The following CAMK1D variants were observed in gnomAD, a reference collection of about 807,000 sequenced individuals.
CAMK1D encodes the protein calcium/calmodulin dependent protein kinase ID, also known as calcium/calmodulin-dependent protein kinase type 1D.
Under a neutral mutation model 47.7 loss-of-function variants are expected in CAMK1D, and 9 were observed. The ratio of observed to expected loss-of-function variants is 0.19; its 90% CI spans 0.11 to 0.33. The LOEUF (loss-of-function observed/expected upper bound fraction) is 0.33, where lower values mean the gene tolerates loss of function less well. Ranked by LOEUF, CAMK1D falls within the 10% of genes least tolerant of loss-of-function variation. CAMK1D has a pLI of 1.00. For missense variants in CAMK1D, 291 were observed against 488.7 expected (o/e 0.60, Z 3.81); for synonymous variants, 184 against 184.9 (o/e 0.99, Z 0.04).
intron 5 of CAMK1D, among the ~76,000 whole-genome samples, chr10:12,779,027 C>T (rs1010799404): frequency 2.0e-5 from 3 of 152,102 alleles, no homozygotes; most frequent in African/African-American, 4.8e-5. Flanking sequence ...CCCAGAGTCA[C>T]GGGCTGCTTC....
intron 1 of CAMK1D, among the ~76,000 whole-genome samples, chr10:12,538,013 A>G (rs1226601556): frequency 1.3e-5 from 2 of 152,208 alleles, no homozygotes; most frequent in Non-Finnish European, 2.9e-5. Flanking sequence ...GCCGTATCAA[A>G]TGCTAGGCCG....
At chr10:12,555,900 G>A (rs1836745379) in intron 2 of CAMK1D, among the ~76,000 whole-genome samples, 1 of 152,192 alleles carries the variant, frequency 6.6e-6, no homozygotes, top group South Asian at 2.1e-4. Context: ...AACCAGTCCT[G>A]TTGATGCCGT....
intron 1 of CAMK1D, among the ~76,000 whole-genome samples, chr10:12,353,312 G>A (rs1382533151): frequency 6.6e-6 from 1 of 152,202 alleles, no homozygotes. Flanking sequence ...TACGAAGGCA[G>A]GAAAGCCTTG....
rs1486320570 is a variant in CAMK1D at position 12,830,596 on chromosome 10, G to A, written c.*1709G>A. ...GCAGGCTGTGTTGTTCGCCTTTGTG[G>A]AGCCAGGCAGTGTGTGGCCCAGGGA... On this transcript the variant is annotated 3_prime_UTR_variant, in exon 11 of 11. Coordinates refer to ENST00000619168, the MANE Select transcript of CAMK1D (RefSeq NM_153498.4). 6.6e-6 allele frequency: 1 copy of A among 152,276 alleles called. No individual in the cohort carries two copies. The allele number at this position is 152,276 out of a possible 1,614,324, so 9.4% of individuals were successfully genotyped here. A position where few individuals can be genotyped will look rare whatever the true frequency, so the allele number is the denominator to read the frequency against.
chr10:12,414,130 A>G (rs917621018), intron 1 of CAMK1D, among the ~76,000 whole-genome samples: 2 of 152,226 alleles, frequency 1.3e-5, no homozygotes, highest in Admixed American at 6.5e-5. Flanking sequence ...GAAAACCATA[A>G]TATAATAAAT....
chr10:12,438,133 G>T (rs966592818), intron 1 of CAMK1D, among the ~76,000 whole-genome samples: 25 of 152,224 alleles, frequency 1.6e-4, no homozygotes, highest in Non-Finnish European at 1.0e-4. Context: ...CCAGCCAAGG[G>T]CCAACCTTGT....
At chr10:12,550,257 G>A (rs937991405) in intron 1 of CAMK1D, among the ~76,000 whole-genome samples, 3 of 152,240 alleles carry the variant, frequency 2.0e-5, no homozygotes, top group Non-Finnish European at 4.4e-5. Flanking sequence ...CTGAATGAAC[G>A]AATGAATGAA....
intron 1 of CAMK1D, among the ~76,000 whole-genome samples, chr10:12,440,984 C>T (rs1832769267): frequency 1.3e-5 from 2 of 152,220 alleles, no homozygotes; most frequent in Admixed American, 1.3e-4. Flanking sequence ...TCATAAGACC[C>T]TCATTCCAGT....
intron 2 of CAMK1D, among the ~76,000 whole-genome samples, chr10:12,573,830 A>ATTTTT (rs1588648909): frequency 3.9e-4 from 18 of 46,142 alleles, no homozygotes; most frequent in Admixed American, 8.0e-4. Context: ...TATTAAAAAA[A>ATTTTT]CTTTTTTTTT....
At chr10:12,719,095 A>C (rs779348790) in intron 3 of CAMK1D, among the ~76,000 whole-genome samples, 50 of 152,216 alleles carry the variant, frequency 3.3e-4, no homozygotes, top group African/African-American at 1.2e-3. Flanking sequence ...GAAGGTTCTC[A>C]TGGGAAGTTC....
chr10:12,523,320 G>C (rs577362072), intron 1 of CAMK1D, among the ~76,000 whole-genome samples: 1 of 151,872 alleles, frequency 6.6e-6, no homozygotes, highest in Non-Finnish European at 1.5e-5. Context: ...AGGCAGAGAC[G>C]CTCCTCATTT....
intron 1 of CAMK1D, among the ~76,000 whole-genome samples, chr10:12,436,279 G>A (rs1832632208): frequency 6.6e-6 from 1 of 152,212 alleles, no homozygotes; most frequent in Non-Finnish European, 1.5e-5. Context: ...CCTGTCGATA[G>A]AGTCTAGAGT....
intron 6 of CAMK1D, among the ~76,000 whole-genome samples, chr10:12,794,200 A>T (rs1838096280): frequency 6.6e-6 from 1 of 152,104 alleles, no homozygotes; most frequent in Admixed American, 6.5e-5. Flanking sequence ...TATATTTTGG[A>T]TGTGGAGGAT....
chr10:12,409,891 G>T (rs1839595615), intron 1 of CAMK1D, among the ~76,000 whole-genome samples: 2 of 152,120 alleles, frequency 1.3e-5, no homozygotes, highest in African/African-American at 4.8e-5. Context: ...TGGTAACCTT[G>T]AATCTATTTT....
chr10:12,655,329 C>A (rs1216428650), intron 2 of CAMK1D, among the ~76,000 whole-genome samples: 1 of 152,058 alleles, frequency 6.6e-6, no homozygotes, highest in African/African-American at 2.4e-5. Context: ...AGGGATCCAC[C>A]CCCATGACTT....
intron 3 of CAMK1D, among the ~76,000 whole-genome samples, chr10:12,705,464 AAAAAGAAAAG>A (rs565129225): frequency 4.6e-5 from 7 of 151,778 alleles, no homozygotes; most frequent in Non-Finnish European, 8.8e-5. Context: ...CCAGCTCAAA[AAAAAGAAAAG>A]AAAAGAAAAG....
At chr10:12,676,824 AC>A (rs1840824858) in intron 3 of CAMK1D, among the ~76,000 whole-genome samples, 2 of 152,200 alleles carry the variant, frequency 1.3e-5, no homozygotes, top group African/African-American at 4.8e-5. Flanking sequence ...AGCAGAGCTC[AC>A]CAGAAAATAT....
intron 6 of CAMK1D, among the ~76,000 whole-genome samples, chr10:12,801,713 A>T (rs1443913806): frequency 6.6e-6 from 1 of 152,178 alleles, no homozygotes; most frequent in Admixed American, 6.5e-5. Flanking sequence ...ATCTCTATCA[A>T]CCTATCATCT....
intron 2 of CAMK1D, among the ~76,000 whole-genome samples, chr10:12,591,098 G>T (rs962434957): frequency 1.3e-5 from 2 of 151,964 alleles, no homozygotes; most frequent in Non-Finnish European, 2.9e-5. Flanking sequence ...TCTTTATGCC[G>T]CTTTCAAGAA....
Sources: gnomAD v4.1 joint callset for allele counts (sites outside exome capture counted in the v4.1 genomes callset) on GRCh38, gnomAD v4.1.1 for gene constraint, MANE v1.5 for transcripts, NCBI Gene and HGNC (gene_info 2026-07-23, HGNC 2026-07-21) for gene names.